PRRG1: variants seen among roughly 807,000 people sequenced by gnomAD.
PRRG1 encodes proline rich and Gla domain 1.
In PRRG1, 5 loss-of-function variants were observed where a neutral mutation model predicts 11.8. That is an observed-to-expected ratio of 0.42 (90% CI 0.22 to 0.89). The LOEUF (loss-of-function observed/expected upper bound fraction) is 0.89. Ranked by LOEUF, PRRG1 falls within the 40% of genes least tolerant of loss-of-function variation. The pLI is 0.28. For missense variants in PRRG1, 155 were observed against 166.1 expected (o/e 0.93, Z 0.37); for synonymous variants, 66 against 60.4 (o/e 1.09, Z -0.43).
intron 2 of PRRG1, among the ~76,000 whole-genome samples, chrX:37,409,128 A>G (rs1330307877): frequency 2.7e-5 from 3 of 112,075 alleles, no homozygotes; most frequent in Non-Finnish European, 5.6e-5. Flanking sequence ...TAATATAAAC[A>G]ATTGATTAAC....
At chrX:37,367,329 A>G (rs1556369673) in intron 1 of PRRG1, among the ~76,000 whole-genome samples, 1 of 112,330 alleles carries the variant, frequency 8.9e-6, no homozygotes, top group Non-Finnish European at 1.9e-5. Flanking sequence ...TATTTAGTTC[A>G]AAATTTTGTC....
intron 1 of PRRG1, among the ~76,000 whole-genome samples, chrX:37,404,966 C>T (rs193164510): frequency 2.7e-5 from 3 of 111,944 alleles, no homozygotes; most frequent in Admixed American, 9.5e-5. Context: ...TCCTGAGAAA[C>T]GCCCATCGCT....
rs1376639978 is a variant in PRRG1, at chrX:37,455,528, G to A, written c.*1907G>A. The A allele has an allele frequency of 1.8e-5, 2 of 111,874 alleles. No individual in the cohort carries two copies. Among genetic ancestry groups the A allele is most frequent in the East Asian group, 5.6e-4 (2 of 3,585 alleles). The allele number at this position is 111,874 out of a possible 1,213,427, so 9.2% of individuals were successfully genotyped here. Reference sequence around the variant, plus strand: ...TGTTAGAGAACCCCTGCCATGCTCTGGTCTGTTCTGAAACTGTGCCAACTG... The same window carrying A: ...TGTTAGAGAACCCCTGCCATGCTCTAGTCTGTTCTGAAACTGTGCCAACTG... On this transcript the variant is annotated 3_prime_UTR_variant, in exon 4 of 4. Coordinates refer to ENST00000378628, the MANE Select transcript of PRRG1 (RefSeq NM_001142395.2).
chrX:37,395,788 T>A (rs1380272037), intron 1 of PRRG1, among the ~76,000 whole-genome samples: 1 of 111,722 alleles, frequency 9.0e-6, no homozygotes, highest in African/African-American at 3.3e-5. Flanking sequence ...CAGATTCTAT[T>A]ATTGTCCCAA....
intron 3 of PRRG1, among the ~76,000 whole-genome samples, chrX:37,439,958 C>T (rs1212854024): frequency 1.8e-5 from 2 of 109,139 alleles, no homozygotes; most frequent in Non-Finnish European, 3.8e-5. Context: ...TGCCACCATG[C>T]CCGGCTAATT....
intron 1 of PRRG1, among the ~76,000 whole-genome samples, chrX:37,386,949 G>A (rs1314674339): frequency 8.9e-6 from 1 of 111,922 alleles, no homozygotes; most frequent in Non-Finnish European, 1.9e-5. Flanking sequence ...AAAGATACGA[G>A]TTGCCAGGAC....
At chrX:37,391,231 A>G (rs1339341272) in intron 1 of PRRG1, among the ~76,000 whole-genome samples, 2 of 111,835 alleles carry the variant, frequency 1.8e-5, no homozygotes, top group Non-Finnish European at 3.8e-5. Flanking sequence ...TTCATCTGCT[A>G]GAAGACTTCT....
rs782509643 is a variant in PRRG1, at chrX:37,403,683, C to T, written c.-41-2526C>T. 1.3e-4 allele frequency: 72 copies of T among 551,060 alleles called. No individual in the cohort carries two copies. In the South Asian group the frequency reaches 5.7e-3, roughly 44 times the overall value. 45.4% of individuals were successfully genotyped at this position (551,060 alleles called of 1,213,427 possible). On this transcript the variant is annotated intron_variant, in intron 1 of 3. Coordinates refer to ENST00000378628, the MANE Select transcript of PRRG1 (RefSeq NM_001142395.2). ...TAAAATAAAATAAAATAAAATGAAT[C>T]TTAACACACACACACAGACAAAAAA...
chrX:37,376,127 C>T (rs1556372038), intron 1 of PRRG1, among the ~76,000 whole-genome samples: 1 of 110,963 alleles, frequency 9.0e-6, no homozygotes, highest in Non-Finnish European at 1.9e-5. Flanking sequence ...CATTCTGAAC[C>T]AGAAAATGAA....
At chrX:37,410,230 C>T (rs1932315321) in intron 2 of PRRG1, among the ~76,000 whole-genome samples, 1 of 111,919 alleles carries the variant, frequency 8.9e-6, no homozygotes, top group Non-Finnish European at 1.9e-5. Context: ...ATTCCCTCTA[C>T]ATTATCTTGA....
At chrX:37,423,843 T>A (rs928883424) in intron 2 of PRRG1, among the ~76,000 whole-genome samples, 2 of 111,470 alleles carry the variant, frequency 1.8e-5, no homozygotes, top group South Asian at 7.5e-4. Context: ...CCCTGCAAAC[T>A]CCTTTTATGG....
chrX:37,356,373 A>C (rs1556366191), intron 1 of PRRG1, among the ~76,000 whole-genome samples: 1 of 111,528 alleles, frequency 9.0e-6, no homozygotes, highest in Non-Finnish European at 1.9e-5. Flanking sequence ...TATTTGGAGG[A>C]AGAGCTTCCT....
At chrX:37,401,462 TTAGG>T (rs1931973742) in intron 1 of PRRG1, among the ~76,000 whole-genome samples, 1 of 111,191 alleles carries the variant, frequency 9.0e-6, no homozygotes, top group Admixed American at 9.6e-5. Flanking sequence ...TCTCAATAAG[TTAGG>T]TATTGATGGG....
intron 1 of PRRG1, among the ~76,000 whole-genome samples, chrX:37,395,600 G>A (rs1377968897): frequency 2.0e-5 from 2 of 101,703 alleles, no homozygotes; most frequent in African/African-American, 7.5e-5. Flanking sequence ...AGGCCACAAA[G>A]TGAGACTCCA....
At position 37,356,907 on chromosome X, in the gene PRRG1, T is replaced by C. The variant is rs184278512; in HGVS notation, c.-42+7512T>C. Reference sequence around the variant, plus strand: ...CTGTTCATGAACCTCCATTGACATATCATTATCACCTAAAGCTAATTGTTT... The same window carrying C: ...CTGTTCATGAACCTCCATTGACATACCATTATCACCTAAAGCTAATTGTTT... On this transcript the variant is annotated intron_variant, in intron 1 of 3. Transcript: ENST00000378628. 5.4e-5 allele frequency among the ~76,000 whole-genome samples: 6 copies of C among 111,106 alleles called. No individual in the cohort carries two copies. In the East Asian group the frequency reaches 1.4e-3, roughly 26 times the overall value.
chrX:37,353,148 A>G (rs2146915308), intron 1 of PRRG1, among the ~76,000 whole-genome samples: 1 of 111,897 alleles, frequency 8.9e-6, no homozygotes, highest in Admixed American at 9.5e-5. Context: ...AAAACCTTCC[A>G]GTGGAACAAG....
intron 2 of PRRG1, among the ~76,000 whole-genome samples, chrX:37,408,074 T>C (rs1390664247): frequency 4.5e-5 from 5 of 112,021 alleles, no homozygotes; most frequent in African/African-American, 1.6e-4. Flanking sequence ...TTTTAAAAAC[T>C]ATTCGGAATT....
chrX:37,448,445 A>G (rs1404434187), intron 3 of PRRG1, among the ~76,000 whole-genome samples: 6 of 112,039 alleles, frequency 5.4e-5, no homozygotes, highest in African/African-American at 2.0e-4. Context: ...GACCAATCAC[A>G]GGCTGAAGTG....
intron 1 of PRRG1, among the ~76,000 whole-genome samples, chrX:37,359,759 G>A (rs895848565): frequency 2.0e-4 from 22 of 111,632 alleles, no homozygotes; most frequent in African/African-American, 6.8e-4. Context: ...TCTGGGTGTG[G>A]TGCTTTCTGT....
Sources: allele counts gnomAD v4.1 joint callset (sites outside exome capture counted in the v4.1 genomes callset), GRCh38; gene constraint gnomAD v4.1.1; transcripts MANE v1.5; gene names NCBI Gene and HGNC (gene_info 2026-07-23, HGNC 2026-07-21).